Variants in ZMAT4 observed in about 807,000 individuals in gnomAD.
The protein encoded by ZMAT4 is zinc finger matrin-type protein 4.
In ZMAT4, 17 loss-of-function variants were observed where a neutral mutation model predicts 28.7. The ratio of observed to expected loss-of-function variants is 0.59; its 90% CI spans 0.41 to 0.89. The LOEUF (loss-of-function observed/expected upper bound fraction) is 0.89, where lower values mean the gene tolerates loss of function less well. Among genes scored for constraint, ZMAT4 ranks in the 40% least tolerant of loss-of-function variants. The pLI is 0.00. For synonymous variants in ZMAT4, 117 were observed against 109.2 expected (o/e 1.07, Z -0.44); for missense variants, 240 against 283.8 (o/e 0.85, Z 1.11).
At chr8:40,817,244 G>A (rs761166171) in intron 2 of ZMAT4, among the ~76,000 whole-genome samples, 12 of 152,096 alleles carry the variant, frequency 7.9e-5, no homozygotes, top group Non-Finnish European at 1.6e-4. Flanking sequence ...TATTACTAAA[G>A]ACATTATGAC....
intron 5 of ZMAT4, among the ~76,000 whole-genome samples, chr8:40,665,056 C>T (rs1808348395): frequency 6.6e-6 from 1 of 152,018 alleles, no homozygotes; most frequent in Admixed American, 6.6e-5. Flanking sequence ...AACGTAAAGC[C>T]CTAGCCAGGC....
intron 1 of ZMAT4, among the ~76,000 whole-genome samples, chr8:40,866,153 C>A (rs911985537): frequency 1.3e-5 from 2 of 152,220 alleles, no homozygotes; most frequent in African/African-American, 4.8e-5. Context: ...AAAGTTCTTT[C>A]ACTTGAATTT....
intron 5 of ZMAT4, among the ~76,000 whole-genome samples, chr8:40,633,453 G>A (rs116403887): frequency 6.6e-6 from 1 of 152,168 alleles, no homozygotes. Flanking sequence ...TGGGACCCTC[G>A]GCAGTGTGAA....
At chr8:40,833,253 G>A (rs1816351348) in intron 1 of ZMAT4, among the ~76,000 whole-genome samples, 1 of 151,550 alleles carries the variant, frequency 6.6e-6, no homozygotes, top group Non-Finnish European at 1.5e-5. Context: ...AAAAAAAACA[G>A]AAACAAGAAA....
At chr8:40,703,027 A>ATATATATATATATT (rs1554542588) in intron 3 of ZMAT4, among the ~76,000 whole-genome samples, 1 of 151,998 alleles carries the variant, frequency 6.6e-6, no homozygotes, top group African/African-American at 2.4e-5. Context: ...ATATATATAT[A>ATATATATATATATT]TTCAATAAGG....
intron 3 of ZMAT4, among the ~76,000 whole-genome samples, chr8:40,742,224 G>T (rs566961084): frequency 1.3e-5 from 2 of 151,804 alleles, no homozygotes; most frequent in South Asian, 2.1e-4. Flanking sequence ...CTCCAGCCTG[G>T]GTGACAGAGT....
At chr8:40,554,985 C>A (rs886667441) in intron 6 of ZMAT4, among the ~76,000 whole-genome samples, 8 of 152,162 alleles carry the variant, frequency 5.3e-5, no homozygotes, top group Non-Finnish European at 7.4e-5. Context: ...ACCCACACAT[C>A]CTTCCCAGCC....
At chr8:40,837,314 G>A (rs571694171) in intron 1 of ZMAT4, among the ~76,000 whole-genome samples, 3 of 152,298 alleles carry the variant, frequency 2.0e-5, no homozygotes, top group South Asian at 4.1e-4. Context: ...GGTAAAGAAG[G>A]CAGGGTCTCT....
At chr8:40,621,669 T>A (rs1325125452) in intron 5 of ZMAT4, among the ~76,000 whole-genome samples, 2 of 152,170 alleles carry the variant, frequency 1.3e-5, no homozygotes, top group Non-Finnish European at 2.9e-5. Context: ...ATGCTTAGTA[T>A]CACAATTTTT....
rs550381179 is a variant in ZMAT4 at position 40,704,319 on chromosome 8, T to C, written c.193-6918A>G. Among the ~76,000 whole-genome samples the C allele has an allele frequency of 1.8e-4, 28 of 152,306 alleles. No individual in the cohort carries two copies. The South Asian group carries it at 5.8e-3, about 32-fold the overall frequency. On this transcript the variant is annotated intron_variant, in intron 3 of 6. Transcript: ENST00000297737. ...ATTGACTACAGGGTCCTGGGTAACGTTATCTCCCACTGTTCTCTCTCATGC... is the reference window on the plus strand; with the variant it reads ...ATTGACTACAGGGTCCTGGGTAACGCTATCTCCCACTGTTCTCTCTCATGC...
In ZMAT4 at chr8:40,827,918, G is replaced by A. The variant is rs189724373; in HGVS notation, c.-4-2238C>T. Among the ~76,000 whole-genome samples, 32 of 152,272 alleles carry A rather than the reference G, an allele frequency of 2.1e-4. No individual in the cohort carries two copies. The Middle Eastern group carries it at 0.014, about 65-fold the overall frequency. Reference sequence around the variant, plus strand: ...TGATTCTGTCATTAGGTACAACATGGCACCACACCAGTCTCCATTTTTTCA... The same window carrying A: ...TGATTCTGTCATTAGGTACAACATGACACCACACCAGTCTCCATTTTTTCA... On this transcript the variant is annotated intron_variant, in intron 1 of 6. Transcript: ENST00000297737.
intron 5 of ZMAT4, among the ~76,000 whole-genome samples, chr8:40,584,738 A>G (rs1466686545): frequency 6.6e-6 from 1 of 152,096 alleles, no homozygotes; most frequent in Non-Finnish European, 1.5e-5. Context: ...AGTTCAAGCA[A>G]TTCTCCTGCC....
At chr8:40,849,274 T>C (rs757887050) in intron 1 of ZMAT4, among the ~76,000 whole-genome samples, 1 of 152,232 alleles carries the variant, frequency 6.6e-6, no homozygotes, top group African/African-American at 2.4e-5. Context: ...GTTTTCATCA[T>C]CTTCTAACCA....
chr8:40,771,999 G>A (rs7826616), intron 2 of ZMAT4, among the ~76,000 whole-genome samples: 1,650 of 152,286 alleles, frequency 0.011, 21 homozygotes, highest in African/African-American at 0.038. Flanking sequence ...CTTGTTAAAT[G>A]TATATATTAC....
intron 3 of ZMAT4, among the ~76,000 whole-genome samples, chr8:40,713,516 C>T (rs1447850672): frequency 6.6e-6 from 1 of 151,882 alleles, no homozygotes; most frequent in Non-Finnish European, 1.5e-5. Flanking sequence ...TTTTTAAATG[C>T]TTAGCTATAT....
intron 6 of ZMAT4, among the ~76,000 whole-genome samples, chr8:40,574,616 G>A (rs141165928): frequency 6.6e-6 from 1 of 152,306 alleles, no homozygotes; most frequent in Non-Finnish European, 1.5e-5. Flanking sequence ...GAAAGAGAGT[G>A]TTGATGTACA....
At chr8:40,558,304 TC>T (rs1438709184) in intron 6 of ZMAT4, among the ~76,000 whole-genome samples, 3 of 152,088 alleles carry the variant, frequency 2.0e-5, no homozygotes, top group Non-Finnish European at 4.4e-5. Context: ...GATGATATTT[TC>T]CAATGTTCAC....
At chr8:40,832,335 A>G (rs1816312935) in intron 1 of ZMAT4, among the ~76,000 whole-genome samples, 1 of 152,178 alleles carries the variant, frequency 6.6e-6, no homozygotes, top group Admixed American at 6.6e-5. Context: ...ATGGGCTAAC[A>G]TCTGCCTGGA....
chr8:40,676,180 A>C (rs1452306875), intron 4 of ZMAT4, among the ~76,000 whole-genome samples: 2 of 152,190 alleles, frequency 1.3e-5, no homozygotes, highest in Non-Finnish European at 1.5e-5. Flanking sequence ...AGTGATGGGA[A>C]AAACAGGACT....
Sources: allele counts gnomAD v4.1 joint callset (sites outside exome capture counted in the v4.1 genomes callset), GRCh38; gene constraint gnomAD v4.1.1; transcripts MANE v1.5; gene names NCBI Gene and HGNC (gene_info 2026-07-23, HGNC 2026-07-21).